ATP2B2: variants seen among roughly 807,000 people sequenced by gnomAD.
ATP2B2 encodes the protein ATPase plasma membrane Ca2+ transporting 2, also known as plasma membrane calcium-transporting ATPase 2.
ATP2B2 carries 15 observed loss-of-function variants against 120.0 expected under a neutral mutation model. The observed-to-expected ratio is 0.12, with a 90% CI of 0.08 to 0.19. The LOEUF is 0.19. Among genes scored for constraint, ATP2B2 ranks in the 10% least tolerant of loss-of-function variants. ATP2B2 has a pLI of 1.00. For missense variants in ATP2B2, 1,045 were observed against 1,719.8 expected (o/e 0.61, Z 6.94); for synonymous variants, 694 against 700.3 (o/e 0.99, Z 0.14).
At chr3:10,551,018 G>A (rs1450979727) in intron 2 of ATP2B2, among the ~76,000 whole-genome samples, 1 of 152,180 alleles carries the variant, frequency 6.6e-6, no homozygotes, top group African/African-American at 2.4e-5. Flanking sequence ...AGACAGCACT[G>A]AGGCAGGTGG....
At chr3:10,688,577 C>T (rs1447538676) in intron 1 of ATP2B2, among the ~76,000 whole-genome samples, 1 of 152,186 alleles carries the variant, frequency 6.6e-6, no homozygotes, top group Non-Finnish European at 1.5e-5. Context: ...CCAAATGACC[C>T]AGGTCCCCCA....
At chr3:10,458,148 A>G (rs2064343977) in intron 1 of ATP2B2, among the ~76,000 whole-genome samples, 1 of 152,068 alleles carries the variant, frequency 6.6e-6, no homozygotes, top group Non-Finnish European at 1.5e-5. Flanking sequence ...CTGTCAATCC[A>G]TCAATCTCTC....
chr3:10,633,378 G>A lies in ATP2B2; in HGVS notation c.-459-13417C>T, dbSNP rs747773. Reference sequence around the variant, plus strand: ...GGATGCCCTCCATCCTGGATTTGCCGCTCCTTCCCAGAAACAATCTGTTTC... The same window carrying A: ...GGATGCCCTCCATCCTGGATTTGCCACTCCTTCCCAGAAACAATCTGTTTC... On this transcript the variant is annotated intron_variant, in intron 1 of 21. Coordinates refer to the ATP2B2 transcript ENST00000646379. Among the ~76,000 whole-genome samples the A allele has an allele frequency of 9.0e-4, 137 of 152,224 alleles. 1 individual carries two copies. Among genetic ancestry groups the A allele is most frequent in the Non-Finnish European group, 1.4e-3 (94 of 68,000 alleles).
intron 2 of ATP2B2, among the ~76,000 whole-genome samples, chr3:10,437,423 C>T (rs78557421): frequency 0.03 from 4,521 of 152,262 alleles, 121 homozygotes; most frequent in Middle Eastern, 0.051. Context: ...GAGGTGATGT[C>T]ATTTCCTCAG....
At chr3:10,471,337 T>C (rs1479568322) in intron 1 of ATP2B2, among the ~76,000 whole-genome samples, 1 of 151,042 alleles carries the variant, frequency 6.6e-6, no homozygotes, top group Non-Finnish European at 1.5e-5. Flanking sequence ...CAGCTTGGAC[T>C]TTGGTTTTAA....
chr3:10,518,287 A>T (rs556358406), intron 3 of ATP2B2, among the ~76,000 whole-genome samples: 59 of 152,300 alleles, frequency 3.9e-4, no homozygotes, highest in Middle Eastern at 3.4e-3. Context: ...CCCCTAACAC[A>T]TCAAAGTAAG....
At chr3:10,591,029 T>C (rs1030105084) in intron 2 of ATP2B2, among the ~76,000 whole-genome samples, 1 of 151,872 alleles carries the variant, frequency 6.6e-6, no homozygotes, top group Non-Finnish European at 1.5e-5. Flanking sequence ...CTGGTCTACA[T>C]GCGCTTTATC....
chr3:10,340,829 T>A lies in ATP2B2; in HGVS notation c.2918-125A>T. On this transcript the variant is annotated intron_variant, in intron 19 of 22. Transcript: ENST00000360273. This position sits in a 1 kb window ranked among gnomAD's most constrained non-coding sequence, Gnocchi z 5.0. Reference sequence around the variant, plus strand: ...GAATCCCCAAGACATCAAGGCATGCTTGGACAGTGGGGGGCCAGGGCTGTG... The same window carrying A: ...GAATCCCCAAGACATCAAGGCATGCATGGACAGTGGGGGGCCAGGGCTGTG... 1 of 965,066 alleles carries A rather than the reference T, an allele frequency of 1.0e-6. No homozygotes were observed. Among genetic ancestry groups the A allele is most frequent in the Middle Eastern group, 2.5e-4 (1 of 3,984 alleles). 59.8% of individuals were successfully genotyped at this position (965,066 alleles called of 1,614,324 possible).
chr3:10,434,812 C>T (rs1385414888), intron 2 of ATP2B2, among the ~76,000 whole-genome samples: 2 of 152,220 alleles, frequency 1.3e-5, no homozygotes, highest in Non-Finnish European at 2.9e-5. Flanking sequence ...TGTCACTGGC[C>T]AGAAGGAGGC....
chr3:10,390,585 A>G (rs1284358343), intron 5 of ATP2B2, among the ~76,000 whole-genome samples: 3 of 151,950 alleles, frequency 2.0e-5, no homozygotes, highest in African/African-American at 7.3e-5. Context: ...TGCTTTACAG[A>G]GAGACAGACA....
chr3:10,605,658 T>TC (rs1254966495), intron 2 of ATP2B2, among the ~76,000 whole-genome samples: 1 of 151,030 alleles, frequency 6.6e-6, no homozygotes, highest in East Asian at 1.9e-4. Flanking sequence ...TTACAGTTTT[T>TC]TTTTTTTTGA....
At chr3:10,457,273 G>C (rs1559361936) in intron 1 of ATP2B2, among the ~76,000 whole-genome samples, 1 of 152,120 alleles carries the variant, frequency 6.6e-6, no homozygotes, top group African/African-American at 2.4e-5. Context: ...GTTAGTGTGA[G>C]TATGCAGGGC....
intron 5 of ATP2B2, among the ~76,000 whole-genome samples, chr3:10,388,978 CAG>C (rs1256841990): frequency 6.6e-6 from 1 of 152,148 alleles, no homozygotes. Context: ...TTTGTGACCT[CAG>C]TGGGATCTTG....
intron 2 of ATP2B2, among the ~76,000 whole-genome samples, chr3:10,435,980 C>T (rs1347642547): frequency 6.6e-6 from 1 of 152,166 alleles, no homozygotes; most frequent in Non-Finnish European, 1.5e-5. Context: ...ATTTGGTCTC[C>T]CCAACTGGGA....
intron 3 of ATP2B2, among the ~76,000 whole-genome samples, chr3:10,523,461 G>T (rs1393219770): frequency 6.6e-6 from 1 of 152,184 alleles, no homozygotes; most frequent in East Asian, 1.9e-4. Context: ...GGCCACCCTA[G>T]CCCTCATTGC....
chr3:10,391,076 A>T (rs2061834745), intron 5 of ATP2B2, among the ~76,000 whole-genome samples: 1 of 152,174 alleles, frequency 6.6e-6, no homozygotes, highest in African/African-American at 2.4e-5. Context: ...ACTACGCTGC[A>T]TTCATAGGGC....
chr3:10,332,087 TC>T (rs921660327), intron 22 of ATP2B2: 3 of 1,508,478 alleles, frequency 2.0e-6, no homozygotes, highest in East Asian at 4.9e-5. Context: ...GGTCTAGGGT[TC>T]CCCCCACAAA....
chr3:10,484,582 T>G (rs2065558720), intron 1 of ATP2B2, among the ~76,000 whole-genome samples: 1 of 152,032 alleles, frequency 6.6e-6, no homozygotes, highest in Non-Finnish European at 1.5e-5. Context: ...CATGCTGCGT[T>G]TTCACTCCAC....
chr3:10,582,873 A>T (rs1472340591), intron 2 of ATP2B2, among the ~76,000 whole-genome samples: 2 of 152,216 alleles, frequency 1.3e-5, no homozygotes, highest in Non-Finnish European at 2.9e-5. Context: ...GGTACCATGC[A>T]TTCTGCATCT....
Sources: gnomAD v4.1 joint callset for allele counts (sites outside exome capture counted in the v4.1 genomes callset) on GRCh38, gnomAD v4.1.1 for gene constraint, Gnocchi (gnomAD v3.1) non-coding constraint, MANE v1.5 for transcripts, NCBI Gene and HGNC (gene_info 2026-07-23, HGNC 2026-07-21) for gene names.